The following DPP6 variants were observed in gnomAD, a reference collection of about 807,000 sequenced individuals.
DPP6 encodes A-type potassium channel modulatory protein DPP6.
DPP6 carries 69 observed loss-of-function variants against 122.6 expected under a neutral mutation model. The observed-to-expected ratio is 0.56, with a 90% CI of 0.46 to 0.69. The LOEUF is 0.69. DPP6 is among the 30% of genes least tolerant of loss of function. DPP6 has a pLI of 0.00. For missense variants in DPP6, 928 were observed against 1,116.9 expected (o/e 0.83, Z 2.41); for synonymous variants, 418 against 433.1 (o/e 0.97, Z 0.43).
At chr7:153,976,440 G>A (rs1049066415) in intron 1 of DPP6, among the ~76,000 whole-genome samples, 6 of 152,182 alleles carry the variant, frequency 3.9e-5, no homozygotes, top group African/African-American at 1.4e-4. Context: ...AAAGCTTCCT[G>A]TGGTGTTTCA....
At chr7:154,527,944 T>C (rs1287030305) in intron 3 of DPP6, among the ~76,000 whole-genome samples, 2 of 152,132 alleles carry the variant, frequency 1.3e-5, no homozygotes, top group Non-Finnish European at 2.9e-5. Flanking sequence ...TTTATCTAAT[T>C]GTTGAGAGAG....
chr7:154,168,295 T>C (rs537338560), intron 1 of DPP6, among the ~76,000 whole-genome samples: 2 of 152,244 alleles, frequency 1.3e-5, no homozygotes, highest in East Asian at 1.9e-4. Context: ...ATAAAGTAAA[T>C]GAGCTGTTTC....
At position 154,598,612 on chromosome 7, in the gene DPP6, CA is replaced by C. The variant is rs146600589; in HGVS notation, c.627+31699del. Reference sequence around the variant, plus strand: ...GCTGCAGTTATCCCCTAGAAACAATCAAACACAATTCCAGTAAAAGTCTTGC... The same window carrying C: ...GCTGCAGTTATCCCCTAGAAACAATCAACACAATTCCAGTAAAAGTCTTGC... On this transcript the variant is annotated intron_variant, in intron 5 of 25. Transcript: ENST00000377770. Among the ~76,000 whole-genome samples, 189 of 152,316 alleles carry C rather than the reference CA, an allele frequency of 1.2e-3. 2 individuals carry two copies. Among genetic ancestry groups the C allele is most frequent in the African/African-American group, 4.5e-3 (187 of 41,568 alleles).
At chr7:153,903,773 C>A (rs79683421) in intron 1 of DPP6, among the ~76,000 whole-genome samples, 4,053 of 152,216 alleles carry the variant, frequency 0.027, 85 homozygotes, top group Non-Finnish European at 0.041. Context: ...CATCTTTTGT[C>A]TTTTCAGTTG....
At chr7:154,740,871 G>T (rs975940340) in intron 8 of DPP6, among the ~76,000 whole-genome samples, 1 of 151,946 alleles carries the variant, frequency 6.6e-6, no homozygotes, top group African/African-American at 2.4e-5. Context: ...TTATCCCCAC[G>T]TGAAACCTAT....
chr7:154,653,327 G>A lies in DPP6; in HGVS notation c.680+15454G>A, dbSNP rs569132078. On this transcript the variant is annotated intron_variant, in intron 6 of 25. Transcript: ENST00000377770. ...TATGATTGTGCCAATCTACTCCAGC[G>A]ACAGCATGAGACCTTGTCTCTAAAC... Among the ~76,000 whole-genome samples the A allele has an allele frequency of 3.7e-4, 56 of 152,276 alleles. No homozygotes were observed. The East Asian group carries it at 5.2e-3, about 14-fold the overall frequency.
At chr7:154,738,133 C>A (rs1842652803) in intron 8 of DPP6, among the ~76,000 whole-genome samples, 4 of 152,200 alleles carry the variant, frequency 2.6e-5, no homozygotes, top group Admixed American at 2.6e-4. Flanking sequence ...ATGGTAAAGT[C>A]TCAGATGTCT....
At chr7:153,870,621 T>G in the DPP6 span, among the ~76,000 whole-genome samples, 1 of 152,240 alleles carries the variant, frequency 6.6e-6, no homozygotes, top group Non-Finnish European at 1.5e-5. Context: ...CAGAGTAGTT[T>G]GATCTTCTGA....
intron 2 of DPP6, among the ~76,000 whole-genome samples, chr7:154,462,986 A>AT (rs1415911361): frequency 6.6e-6 from 1 of 151,268 alleles, no homozygotes; most frequent in African/African-American, 2.4e-5. Flanking sequence ...ATCAGTTCTA[A>AT]TTTTTTTTAG....
At position 154,431,537 on chromosome 7, in the gene DPP6, T is replaced by TC. The variant is rs200024605; in HGVS notation, c.244-14677_244-14676insC. Among the ~76,000 whole-genome samples, 143 of 34,912 alleles carry TC rather than the reference T, an allele frequency of 4.1e-3. 5 individuals carry two copies. The highest frequency in any genetic ancestry group is 0.021 in the Admixed American group (62 of 2,898). The allele number at this position is 34,912 out of a possible 152,430, so 22.9% of individuals were successfully genotyped here. On this transcript the variant is annotated intron_variant, in intron 1 of 25. Coordinates refer to ENST00000377770, the MANE Select transcript of DPP6 (RefSeq NM_130797.4). The stretch of plus-strand genomic sequence containing the variant: ...TTTATTATTTCTTTCTTTCTTTCTT[T>TC]TTTTTTTTTTTTTTGAGATGGAATC...
intron 1 of DPP6, among the ~76,000 whole-genome samples, chr7:154,089,032 C>A (rs1331718817): frequency 6.6e-6 from 1 of 152,048 alleles, no homozygotes; most frequent in Non-Finnish European, 1.5e-5. Context: ...AGAGCCAGGA[C>A]CTCATGGAGT....
chr7:153,909,999 C>T (rs1250323761), intron 1 of DPP6, among the ~76,000 whole-genome samples: 1 of 152,138 alleles, frequency 6.6e-6, no homozygotes, highest in Non-Finnish European at 1.5e-5. Flanking sequence ...CTACATCCAC[C>T]CTCTCTCTCC....
intron 2 of DPP6, among the ~76,000 whole-genome samples, chr7:154,454,465 C>T (rs187662003): frequency 2.0e-5 from 3 of 152,270 alleles, no homozygotes; most frequent in African/African-American, 7.2e-5. Context: ...AGGATACATT[C>T]CTGGAAGGCT....
intron 16 of DPP6, among the ~76,000 whole-genome samples, chr7:154,822,453 T>G (rs918982060): frequency 7.9e-5 from 12 of 152,156 alleles, no homozygotes; most frequent in Non-Finnish European, 1.5e-4. Flanking sequence ...GATTTAATCA[T>G]ACCCTAAGGC....
chr7:154,162,413 G>T (rs1308234718), intron 1 of DPP6, among the ~76,000 whole-genome samples: 1 of 152,202 alleles, frequency 6.6e-6, no homozygotes, highest in Non-Finnish European at 1.5e-5. Flanking sequence ...ATACACTTAA[G>T]GGTTACAAAA....
At chr7:154,013,838 T>G (rs1363895035) in intron 1 of DPP6, among the ~76,000 whole-genome samples, 3 of 151,918 alleles carry the variant, frequency 2.0e-5, no homozygotes, top group African/African-American at 7.3e-5. Context: ...CCAAGTCCCT[T>G]TCAAATAACC....
chr7:154,016,462 A>G (rs1585180790), intron 1 of DPP6, among the ~76,000 whole-genome samples: 2 of 152,112 alleles, frequency 1.3e-5, no homozygotes, highest in Non-Finnish European at 2.9e-5. Context: ...ATCTCAATAA[A>G]GAATTACAAG....
intron 3 of DPP6, among the ~76,000 whole-genome samples, chr7:154,525,831 C>T (rs1158236407): frequency 2.6e-5 from 4 of 151,694 alleles, no homozygotes; most frequent in Non-Finnish European, 5.9e-5. Context: ...AGCATATTCT[C>T]ATGCAAATGA....
At chr7:154,477,855 T>C (rs1822890086) in intron 3 of DPP6, among the ~76,000 whole-genome samples, 2 of 152,200 alleles carry the variant, frequency 1.3e-5, no homozygotes, top group African/African-American at 2.4e-5. Flanking sequence ...GGAGCTTTCT[T>C]AGGATGATTC....
Sources: allele counts gnomAD v4.1 joint callset (sites outside exome capture counted in the v4.1 genomes callset), GRCh38; gene constraint gnomAD v4.1.1; transcripts MANE v1.5; gene names NCBI Gene and HGNC (gene_info 2026-07-23, HGNC 2026-07-21).